RSRC1: variants seen among roughly 807,000 people sequenced by gnomAD.
RSRC1 encodes the protein arginine and serine rich coiled-coil 1, also known as serine/Arginine-related protein 53.
Under a neutral mutation model 49.1 loss-of-function variants are expected in RSRC1, and 39 were observed. The ratio of observed to expected loss-of-function variants is 0.79; its 90% CI spans 0.61 to 1.04. RSRC1 has a LOEUF of 1.04. Ranked by LOEUF, RSRC1 falls within the 50% of genes least tolerant of loss-of-function variation. RSRC1 has a pLI of 0.00. For missense variants in RSRC1, 388 were observed against 402.4 expected, an observed-to-expected ratio of 0.96 and a Z score of 0.31; for synonymous variants, 143 against 130.8, an observed-to-expected ratio of 1.09 and a Z score of -0.63.
rs182599035 is a variant in RSRC1, at chr3:158,176,002, C to T, written c.321-27070C>T. Among the ~76,000 whole-genome samples, 330 of 152,108 alleles carry T rather than the reference C, an allele frequency of 2.2e-3. 2 individuals carry two copies. Among genetic ancestry groups the T allele is most frequent in the African/African-American group, 7.7e-3 (318 of 41,488 alleles). On this transcript the variant is annotated intron_variant, in intron 3 of 9. Coordinates refer to ENST00000611884, the MANE Select transcript of RSRC1 (RefSeq NM_001271838.2). ...AGGTCATTTAAGCTCTTCTCTACAC[C>T]GATAACAGACAAACAGAGAGCCAAA... is the stretch of plus-strand genomic sequence containing the variant.
chr3:158,503,716 G>C (rs1206888305), intron 7 of RSRC1, among the ~76,000 whole-genome samples: 1 of 150,288 alleles, frequency 6.7e-6, no homozygotes, highest in Non-Finnish European at 1.5e-5. Context: ...AAACCGAAGG[G>C]CTGGTCTGAC....
intron 4 of RSRC1, among the ~76,000 whole-genome samples, chr3:158,229,043 C>CACATACGTGTATATGTGCGTATAA: frequency 7.8e-6 from 1 of 128,270 alleles, no homozygotes; most frequent in East Asian, 2.5e-4. Context: ...TGTATAAACA[C>CACATACGTGTATATGTGCGTATAA]ACATACGTGT....
intron 7 of RSRC1, among the ~76,000 whole-genome samples, chr3:158,518,375 A>ATT (rs62873061): frequency 0.19 from 27,030 of 143,556 alleles, 2,958 homozygotes; most frequent in African/African-American, 0.31. Context: ...TTTATAAAAG[A>ATT]TTTTTTTTTT....
intron 4 of RSRC1, among the ~76,000 whole-genome samples, chr3:158,232,645 T>G (rs1163188869): frequency 1.3e-5 from 2 of 152,140 alleles, no homozygotes; most frequent in Non-Finnish European, 2.9e-5. Flanking sequence ...TATCTTAAGT[T>G]AGTATTGAAC....
At chr3:158,483,150 C>T (rs1738684635) in intron 7 of RSRC1, among the ~76,000 whole-genome samples, 1 of 151,998 alleles carries the variant, frequency 6.6e-6, no homozygotes, top group Non-Finnish European at 1.5e-5. Flanking sequence ...GCTCATCCTC[C>T]TTCTTCCTCT....
intron 7 of RSRC1, among the ~76,000 whole-genome samples, chr3:158,516,518 T>C (rs1740545871): frequency 1.3e-5 from 2 of 152,190 alleles, no homozygotes; most frequent in Admixed American, 6.5e-5. Flanking sequence ...GACAGGGACA[T>C]TTAAGTCTGC....
In RSRC1 at chr3:158,194,718, T is replaced by C. The variant is rs562366722; in HGVS notation, c.321-8354T>C. ...GTGTCCGTGTGTTCTCATTGTTCAATTCCCACCTATGAGTAAGAACATGTG... is the reference window on the plus strand; with the variant it reads ...GTGTCCGTGTGTTCTCATTGTTCAACTCCCACCTATGAGTAAGAACATGTG... On this transcript the variant is annotated intron_variant, in intron 3 of 9. Coordinates refer to ENST00000611884, the MANE Select transcript of RSRC1 (RefSeq NM_001271838.2). Among the ~76,000 whole-genome samples the C allele has an allele frequency of 1.0e-4, 15 of 145,634 alleles. 1 individual carries two copies. The South Asian group carries it at 3.4e-3, about 33-fold the overall frequency.
chr3:158,491,965 T>C lies in RSRC1; in HGVS notation c.652+30962T>C, dbSNP rs558391692. Among the ~76,000 whole-genome samples, 16 of 152,358 alleles carry C rather than the reference T, an allele frequency of 1.1e-4. No individual in the cohort carries two copies. In the South Asian group the frequency reaches 3.3e-3, roughly 32 times the overall value. On this transcript the variant is annotated intron_variant, in intron 7 of 9. Transcript: ENST00000611884. ...GTGTATTAGTCCATTTTCACACTGC[T>C]ATAAAGAACTACCTGAGACTAGGTA...
chr3:158,469,797 C>T (rs1267485566), intron 7 of RSRC1: 2 of 152,018 alleles, frequency 1.3e-5, no homozygotes, highest in African/African-American at 2.4e-5. Flanking sequence ...ACTATTCTGC[C>T]TTAATTACAG....
intron 4 of RSRC1, among the ~76,000 whole-genome samples, chr3:158,287,045 C>G (rs1303460089): frequency 6.6e-6 from 1 of 152,134 alleles, no homozygotes; most frequent in South Asian, 2.1e-4. Flanking sequence ...CCAGGATGGT[C>G]TCCATCTCCT....
rs78242717 is a variant in RSRC1, at chr3:158,492,964, A to G, written c.652+31961A>G. 4.4e-3 allele frequency among the ~76,000 whole-genome samples: 671 copies of G among 152,318 alleles called. 4 individuals are homozygous for G. The highest frequency in any genetic ancestry group is 0.015 in the African/African-American group (642 of 41,574). On this transcript the variant is annotated intron_variant, in intron 7 of 9. Transcript: ENST00000611884. ...GTTTCTAAGACTGTGATGCAGAGAAAGAAGCTCTAAATGTCATCTTGCTTG... is the reference window on the plus strand; with the variant it reads ...GTTTCTAAGACTGTGATGCAGAGAAGGAAGCTCTAAATGTCATCTTGCTTG...
chr3:158,326,417 T>G (rs1190181120), intron 5 of RSRC1, among the ~76,000 whole-genome samples: 2 of 152,236 alleles, frequency 1.3e-5, no homozygotes, highest in Non-Finnish European at 2.9e-5. Flanking sequence ...AATACCTGAC[T>G]TATTGAGAGT....
intron 3 of RSRC1, among the ~76,000 whole-genome samples, chr3:158,200,250 G>A (rs921040263): frequency 4.6e-5 from 7 of 152,024 alleles, no homozygotes; most frequent in Admixed American, 2.6e-4. Flanking sequence ...ATGTTAGCCC[G>A]GATGGTCTCG....
intron 4 of RSRC1, among the ~76,000 whole-genome samples, chr3:158,261,565 C>T (rs1385264726): frequency 2.0e-5 from 3 of 152,202 alleles, no homozygotes; most frequent in Admixed American, 6.5e-5. Context: ...AATTGGGATG[C>T]ACAGCAGGAG....
chr3:158,270,810 A>T (rs991132451), intron 4 of RSRC1, among the ~76,000 whole-genome samples: 7 of 152,180 alleles, frequency 4.6e-5, no homozygotes, highest in Non-Finnish European at 7.4e-5. Flanking sequence ...TAAAATTTAA[A>T]TATTAGTGAT....
chr3:158,408,088 G>A (rs1458426194), intron 6 of RSRC1, among the ~76,000 whole-genome samples: 1 of 152,110 alleles, frequency 6.6e-6, no homozygotes, highest in Non-Finnish European at 1.5e-5. Flanking sequence ...GTTGGTCAGG[G>A]AATGATATAC....
chr3:158,291,481 AG>A (rs1256227918), intron 4 of RSRC1, among the ~76,000 whole-genome samples: 1 of 152,172 alleles, frequency 6.6e-6, no homozygotes, highest in Non-Finnish European at 1.5e-5. Context: ...CTTTTCTTTT[AG>A]ATCTCTTTTG....
At chr3:158,155,251 A>G (rs556786974) in intron 3 of RSRC1, among the ~76,000 whole-genome samples, 2 of 152,280 alleles carry the variant, frequency 1.3e-5, no homozygotes, top group Admixed American at 6.5e-5. Context: ...GTCACTATCT[A>G]TGGCAGCTAT....
At chr3:158,353,998 T>TTC (rs1553791542) in intron 5 of RSRC1, among the ~76,000 whole-genome samples, 8 of 136,830 alleles carry the variant, frequency 5.8e-5, no homozygotes, top group African/African-American at 2.1e-4. Context: ...TCTTTTTCTT[T>TTC]TTTTTTTTTT....
Sources: gnomAD v4.1 joint callset for allele counts (sites outside exome capture counted in the v4.1 genomes callset) on GRCh38, gnomAD v4.1.1 for gene constraint, MANE v1.5 for transcripts, NCBI Gene and HGNC (gene_info 2026-07-23, HGNC 2026-07-21) for gene names.